The following TRPC6 variants were observed in gnomAD, a reference collection of about 807,000 sequenced individuals.
TRPC6 encodes the protein transient receptor potential cation channel subfamily C member 6, also known as short transient receptor potential channel 6.
Under a neutral mutation model 90.7 loss-of-function variants are expected in TRPC6, and 55 were observed. That is an observed-to-expected ratio of 0.61 (90% CI 0.49 to 0.76). TRPC6 has a LOEUF of 0.76. Among genes scored for constraint, TRPC6 ranks in the 30% least tolerant of loss-of-function variants. The pLI is 0.00. For synonymous variants in TRPC6, 393 were observed against 393.0 expected (o/e 1.00, Z 0.00); for missense variants, 989 against 1,122.7 (o/e 0.88, Z 1.70).
At chr11:101,556,961 A>G (rs1861574489) in intron 1 of TRPC6, among the ~76,000 whole-genome samples, 1 of 152,200 alleles carries the variant, frequency 6.6e-6, no homozygotes, top group Non-Finnish European at 1.5e-5. Context: ...AAAAAACCAT[A>G]TGGTCATCTA....
At chr11:101,466,084 T>G (rs527933210) in intron 10 of TRPC6, among the ~76,000 whole-genome samples, 3 of 152,200 alleles carry the variant, frequency 2.0e-5, no homozygotes, top group Non-Finnish European at 4.4e-5. Flanking sequence ...CCTGTTTGCC[T>G]GGGTATCACC....
intron 1 of TRPC6, among the ~76,000 whole-genome samples, chr11:101,567,749 C>T (rs1411411043): frequency 6.6e-6 from 1 of 152,206 alleles, no homozygotes; most frequent in African/African-American, 2.4e-5. Context: ...ACCTCCAGCA[C>T]ATTCCAGCAA....
chr11:101,488,894 A>G (rs1859737280), intron 4 of TRPC6, 43 bp downstream of exon 4: 7 of 1,611,282 alleles, frequency 4.3e-6, no homozygotes, highest in African/African-American at 1.3e-5. Flanking sequence ...CACTTAAAAC[A>G]TATTTCTAGT....
rs144436918 is a variant in TRPC6 at position 101,495,239 on chromosome 11, C to T, written c.946-3501G>A. ...AAGATACCCGTTAAAATGATCCTTT[C>T]GGAAGTTCCTCTTAGTTGGATTTTA... On this transcript the variant is annotated intron_variant, in intron 2 of 12. Transcript: ENST00000344327. 4.5e-3 allele frequency among the ~76,000 whole-genome samples: 686 copies of T among 152,230 alleles called. 3 individuals are homozygous for T. The highest frequency in any genetic ancestry group is 0.016 in the African/African-American group (652 of 41,542).
At chr11:101,515,889 C>CT (rs1324471830) in intron 1 of TRPC6, among the ~76,000 whole-genome samples, 1 of 151,856 alleles carries the variant, frequency 6.6e-6, no homozygotes, top group African/African-American at 2.4e-5. Context: ...TTCACTAAGG[C>CT]TAGGAGGATG....
chr11:101,572,124 G>A (rs1396271477), intron 1 of TRPC6, among the ~76,000 whole-genome samples: 1 of 152,086 alleles, frequency 6.6e-6, no homozygotes, highest in Non-Finnish European at 1.5e-5. Flanking sequence ...CTATCCATCT[G>A]ACAAAGGGCT....
At chr11:101,507,645 T>G (rs893843057) in intron 1 of TRPC6, among the ~76,000 whole-genome samples, 3 of 152,130 alleles carry the variant, frequency 2.0e-5, no homozygotes, top group Admixed American at 2.0e-4. Context: ...GAATTCAAGG[T>G]TGAGGATAAT....
At chr11:101,575,350 A>T (rs1283194006) in intron 1 of TRPC6, among the ~76,000 whole-genome samples, 1 of 152,086 alleles carries the variant, frequency 6.6e-6, no homozygotes, top group African/African-American at 2.4e-5. Context: ...ATTTTTCAAA[A>T]CCTAGTTTCA....
intron 1 of TRPC6, among the ~76,000 whole-genome samples, chr11:101,569,963 G>C (rs61784839): frequency 7.0e-6 from 1 of 142,638 alleles, no homozygotes; most frequent in African/African-American, 2.5e-5. Flanking sequence ...AAAAGAACTA[G>C]AGAAACAAGA....
At chr11:101,543,597 G>C (rs4754766) in intron 1 of TRPC6, among the ~76,000 whole-genome samples, 39,535 of 151,890 alleles carry the variant, frequency 0.26, 5,627 homozygotes, top group East Asian at 0.4. Context: ...GCAACCATCT[G>C]ATCTTTGACA....
At chr11:101,536,214 C>T (rs1203183098) in intron 1 of TRPC6, among the ~76,000 whole-genome samples, 1 of 152,206 alleles carries the variant, frequency 6.6e-6, no homozygotes, top group Non-Finnish European at 1.5e-5. Context: ...TGGCAAAACT[C>T]TGTCTCTACT....
At chr11:101,472,459 C>T in intron 7 of TRPC6, 127 bp from the exon 8 acceptor site, 2 of 833,020 alleles carry the variant, frequency 2.4e-6, no homozygotes, top group East Asian at 2.7e-5. Flanking sequence ...CTTCACTTCT[C>T]TGAAGCTCAC....
intron 2 of TRPC6, among the ~76,000 whole-genome samples, chr11:101,497,534 C>G (rs894352187): frequency 2.0e-5 from 3 of 152,180 alleles, no homozygotes; most frequent in African/African-American, 7.2e-5. Flanking sequence ...TACCCTTCCT[C>G]TTTCTCAGTG....
chr11:101,583,509 G>C lies in TRPC6; in HGVS notation c.-6C>G. 1 of 1,473,328 alleles carries C rather than the reference G, an allele frequency of 6.8e-7. No individual in the cohort carries two copies. 91.3% of individuals were successfully genotyped at this position (1,473,328 alleles called of 1,614,324 possible). On this transcript the variant is annotated 5_prime_UTR_variant, in exon 1 of 13. Coordinates refer to ENST00000344327, the MANE Select transcript of TRPC6 (RefSeq NM_004621.6). ...AACGCCGGGCTCTGGCTCATGGCGG[G>C]AACGCCCGACTGGCCTGGGCCCCGC...
At chr11:101,526,691 T>A (rs1198894088) in intron 1 of TRPC6, among the ~76,000 whole-genome samples, 1 of 151,036 alleles carries the variant, frequency 6.6e-6, no homozygotes, top group Non-Finnish European at 1.5e-5. Flanking sequence ...TGAAACCCCG[T>A]CTCTACTAAA....
intron 6 of TRPC6, among the ~76,000 whole-genome samples, chr11:101,474,922 T>C (rs1859377796): frequency 6.6e-6 from 1 of 152,170 alleles, no homozygotes; most frequent in Non-Finnish European, 1.5e-5. Flanking sequence ...CATTACCTTC[T>C]CTCTCTTGGG....
At chr11:101,551,083 G>C (rs1388522819) in intron 1 of TRPC6, among the ~76,000 whole-genome samples, 1 of 151,818 alleles carries the variant, frequency 6.6e-6, no homozygotes, top group Non-Finnish European at 1.5e-5. Flanking sequence ...CCATAGTCTA[G>C]TTTGCTTAGA....
chr11:101,529,504 T>G (rs1269698301), intron 1 of TRPC6, among the ~76,000 whole-genome samples: 6 of 152,222 alleles, frequency 3.9e-5, no homozygotes, highest in Non-Finnish European at 8.8e-5. Context: ...AATTGTTTGT[T>G]TTAATGCAGA....
Position 101,491,692 on chromosome 11 carries a change from C to T in TRPC6, c.992G>A (p.Gly331Glu). Residue 331 changes from glycine (G) to glutamate (E), a missense_variant, in exon 3 of 13, where the codon GGA becomes GAA. Coordinates refer to ENST00000344327, the MANE Select transcript of TRPC6 (RefSeq NM_004621.6). ...LSMQCKDFVV[G>E]LLDLCRNTEE... is the part of the protein sequence containing the mutation. Reference sequence around the variant, plus strand: ...AGTGTTTCTGCACAGATCAAGGAGTCCAACAACAAAGTCTTTGCACTGCAT... The same window carrying T: ...AGTGTTTCTGCACAGATCAAGGAGTTCAACAACAAAGTCTTTGCACTGCAT... 6.2e-7 allele frequency: 1 copy of T among 1,613,844 alleles called. No individual in the cohort carries two copies. Among genetic ancestry groups the T allele is most frequent in the Non-Finnish European group, 8.5e-7 (1 of 1,179,982 alleles).
Sources: gnomAD v4.1 joint callset for allele counts (sites outside exome capture counted in the v4.1 genomes callset) on GRCh38, gnomAD v4.1.1 for gene constraint, MANE v1.5 for transcripts, NCBI Gene and HGNC (gene_info 2026-07-23, HGNC 2026-07-21) for gene names.